Variants in LRRFIP2 observed in about 807,000 individuals in gnomAD.
LRRFIP2 encodes LRR binding FLII interacting protein 2.
In LRRFIP2, 109 loss-of-function variants were observed where a neutral mutation model predicts 125.9. The ratio of observed to expected loss-of-function variants is 0.87; its 90% CI spans 0.74 to 1.01. LRRFIP2 has a LOEUF of 1.01. Ranked by LOEUF, LRRFIP2 falls within the 50% of genes least tolerant of loss-of-function variation. LRRFIP2 has a pLI of 0.00. For missense variants in LRRFIP2, 850 were observed against 862.3 expected, an observed-to-expected ratio of 0.99 and a Z score of 0.18; for synonymous variants, 291 against 293.1, an observed-to-expected ratio of 0.99 and a Z score of 0.07.
intron 2 of LRRFIP2, among the ~76,000 whole-genome samples, chr3:37,137,023 A>C (rs2095575513): frequency 1.3e-5 from 2 of 150,788 alleles, no homozygotes; most frequent in African/African-American, 4.9e-5. Context: ...GCTAGAGTGC[A>C]GTGGCATGAT....
At chr3:37,105,430 T>C (rs745722238) in intron 14 of LRRFIP2, 25 bp downstream of exon 14, 8 of 1,602,662 alleles carry the variant, frequency 5.0e-6, no homozygotes. Context: ...CTCATCTTAT[T>C]TCTTTGCATG....
intron 4 of LRRFIP2, 104 bp downstream of exon 4, chr3:37,127,526 G>A (rs2095314876): frequency 8.7e-7 from 1 of 1,145,022 alleles, no homozygotes; most frequent in South Asian, 1.3e-5. Flanking sequence ...GGTTCACACA[G>A]GCCAAACACT....
chr3:37,063,898 A>G (rs1057313200), intron 23 of LRRFIP2, 107 bp from the exon 24 acceptor site: 48 of 779,200 alleles, frequency 6.2e-5, no homozygotes, highest in Middle Eastern at 2.9e-4. Flanking sequence ...GATAAATTAC[A>G]TTACTTACAG....
rs977996780 is a variant in LRRFIP2 at position 37,094,954 on chromosome 3, T to C, written c.919-46A>G. On this transcript the variant is annotated intron_variant, in intron 16 of 27. Transcript: ENST00000336686. ...CTTCTAAGTCTCATTTCTTTAAAAA[T>C]ATGTTTGCTGTGGAAACTAAAAACA... 4 of 1,261,962 alleles carry C rather than the reference T, an allele frequency of 3.2e-6. No homozygotes were observed. In the African/African-American group the frequency reaches 5.9e-5, roughly 19 times the overall value. The allele number at this position is 1,261,962 out of a possible 1,614,324, so 78.2% of individuals were successfully genotyped here.
intron 26 of LRRFIP2, 29 bp from the exon 27 acceptor site, chr3:37,054,544 T>G (rs894315600): frequency 4.8e-6 from 7 of 1,464,528 alleles, no homozygotes; most frequent in Non-Finnish European, 6.6e-6. Context: ...AGGCCTCTAG[T>G]ACTGGGCACT....
intron 25 of LRRFIP2, among the ~76,000 whole-genome samples, chr3:37,057,785 T>C (rs2087335640): frequency 6.6e-6 from 1 of 152,050 alleles, no homozygotes; most frequent in Admixed American, 6.5e-5. Context: ...AAAATGAAAA[T>C]CTCCTCTGTC....
intron 2 of LRRFIP2, among the ~76,000 whole-genome samples, chr3:37,145,082 A>G (rs555267039): frequency 6.6e-6 from 1 of 152,326 alleles, no homozygotes; most frequent in South Asian, 2.1e-4. Flanking sequence ...TCTATTTCCT[A>G]GCAACTTCCC....
chr3:37,083,838 C>T (rs748010701), intron 18 of LRRFIP2, 32 bp from the exon 19 acceptor site: 5 of 1,515,522 alleles, frequency 3.3e-6, no homozygotes, highest in Non-Finnish European at 4.4e-6. Flanking sequence ...AGTCTGATAT[C>T]TAAAATGTTA....
chr3:37,131,583 C>A (rs1229718634), intron 2 of LRRFIP2, among the ~76,000 whole-genome samples: 1 of 152,234 alleles, frequency 6.6e-6, no homozygotes, highest in Non-Finnish European at 1.5e-5. Context: ...TTGGTCACAT[C>A]CTAACTCTGA....
chr3:37,159,318 GA>G (rs1299557026), intron 1 of LRRFIP2, among the ~76,000 whole-genome samples: 1 of 152,156 alleles, frequency 6.6e-6, no homozygotes, highest in African/African-American at 2.4e-5. Context: ...TTACTTTCTG[GA>G]TACTTAATTC....
intron 20 of LRRFIP2, 147 bp from the exon 21 acceptor site, chr3:37,073,029 C>T (rs1422189442): frequency 3.5e-6 from 2 of 572,804 alleles, no homozygotes; most frequent in East Asian, 5.9e-5. Flanking sequence ...AATTGGTCTG[C>T]CAAAAGAAAA....
intron 11 of LRRFIP2, 119 bp from the exon 12 acceptor site, chr3:37,108,803 C>G: frequency 2.9e-6 from 2 of 693,812 alleles, no homozygotes; most frequent in Non-Finnish European, 2.4e-6. Context: ...AAGTGTATAG[C>G]CTCCCAGAAT....
intron 3 of LRRFIP2, 60 bp downstream of exon 3, chr3:37,129,003 T>A (rs879028218): frequency 2.1e-6 from 3 of 1,429,836 alleles, no homozygotes; most frequent in African/African-American, 2.8e-5. Flanking sequence ...CAGAATAAAC[T>A]AGCCAAGTAC....
At chr3:37,134,082 T>C (rs931792172) in intron 2 of LRRFIP2, among the ~76,000 whole-genome samples, 1 of 151,210 alleles carries the variant, frequency 6.6e-6, no homozygotes, top group African/African-American at 2.4e-5. Flanking sequence ...CTTGGGAGGC[T>C]GAGGCAGAAG....
intron 6 of LRRFIP2, 70 bp downstream of exon 6, chr3:37,121,422 G>T: frequency 7.1e-7 from 1 of 1,411,480 alleles, no homozygotes; most frequent in Non-Finnish European, 1.0e-6. Context: ...TTGTCAGATT[G>T]TTTAGGCAAC....
chr3:37,131,778 T>G (rs185952279), intron 2 of LRRFIP2, among the ~76,000 whole-genome samples: 5 of 152,260 alleles, frequency 3.3e-5, no homozygotes. Flanking sequence ...GCTCACAAAG[T>G]TGAAGAATAC....
intron 17 of LRRFIP2, 66 bp downstream of exon 17, chr3:37,094,726 A>G (rs2093636227): frequency 3.1e-6 from 3 of 961,428 alleles, no homozygotes; most frequent in Admixed American, 1.8e-5. Flanking sequence ...TTAAAGGTTA[A>G]AAGTTCCAGT....
chr3:37,092,180 TA>T (rs1252294544), intron 17 of LRRFIP2, among the ~76,000 whole-genome samples: 1 of 152,196 alleles, frequency 6.6e-6, no homozygotes, highest in Non-Finnish European at 1.5e-5. Context: ...CTATAATCCT[TA>T]TAAGAAAAGT....
At chr3:37,096,171 C>A (rs1402716386) in intron 16 of LRRFIP2, among the ~76,000 whole-genome samples, 1 of 152,114 alleles carries the variant, frequency 6.6e-6, no homozygotes, top group Non-Finnish European at 1.5e-5. Flanking sequence ...TAAATCATCT[C>A]CCTGACTTTC....
Sources: allele counts gnomAD v4.1 joint callset (sites outside exome capture counted in the v4.1 genomes callset), GRCh38; gene constraint gnomAD v4.1.1; transcripts MANE v1.5; gene names NCBI Gene and HGNC (gene_info 2026-07-23, HGNC 2026-07-21).